TMEM248: variants seen among roughly 807,000 people sequenced by gnomAD.
TMEM248 encodes the protein transmembrane protein 248, also known as UPF0458 protein C7orf42.
In TMEM248, 9 loss-of-function variants were observed where a neutral mutation model predicts 30.3. The observed-to-expected ratio is 0.30, with a 90% CI of 0.18 to 0.52. TMEM248 has a LOEUF of 0.52. Ranked by LOEUF, TMEM248 falls within the 20% of genes least tolerant of loss-of-function variation. The pLI is 0.97. For missense variants in TMEM248, 338 were observed against 403.3 expected (o/e 0.84, Z 1.39); for synonymous variants, 184 against 154.4 (o/e 1.19, Z -1.42).
At chr7:66,945,684 C>T (rs781300768) in intron 3 of TMEM248, among the ~76,000 whole-genome samples, 9 of 152,348 alleles carry the variant, frequency 5.9e-5, no homozygotes, top group Non-Finnish European at 7.3e-5. Context: ...GGTGCAGTAG[C>T]TCATGCATGT....
rs113147746 is a variant in TMEM248 at position 66,943,038 on chromosome 7, G to A, written c.159+1014G>A. ...TTGGCAAAAGGAACCGCCTACACAT[G>A]TGAGCTCTTTCTAGCACAGTTCAAG... On this transcript the variant is annotated intron_variant, in intron 2 of 6. Coordinates refer to ENST00000341567, the MANE Select transcript of TMEM248 (RefSeq NM_017994.5). Among the ~76,000 whole-genome samples, 190 of 151,004 alleles carry A rather than the reference G, an allele frequency of 1.3e-3. 1 individual carries two copies. The highest frequency in any genetic ancestry group is 4.4e-3 in the African/African-American group (183 of 41,142).
chr7:66,933,103 G>A (rs1057340286), intron 1 of TMEM248, among the ~76,000 whole-genome samples: 2 of 151,932 alleles, frequency 1.3e-5, no homozygotes, highest in Admixed American at 6.6e-5. Context: ...CAGGTGATCC[G>A]CCTGCTTCGA....
chr7:66,943,247 C>G (rs774769328), intron 2 of TMEM248, among the ~76,000 whole-genome samples: 4 of 152,324 alleles, frequency 2.6e-5, no homozygotes, highest in East Asian at 3.9e-4. Context: ...GCTGCACAGC[C>G]TCCTGCCATT....
At chr7:66,937,947 A>G (rs906557313) in intron 1 of TMEM248, among the ~76,000 whole-genome samples, 19 of 152,104 alleles carry the variant, frequency 1.2e-4, no homozygotes, top group African/African-American at 4.1e-4. Context: ...GCTGGTCTCG[A>G]ACTCCTGACC....
At chr7:66,937,527 G>C (rs1791836245) in intron 1 of TMEM248, among the ~76,000 whole-genome samples, 1 of 152,060 alleles carries the variant, frequency 6.6e-6, no homozygotes, top group African/African-American at 2.4e-5. Flanking sequence ...TATGTATCTT[G>C]GTGCTCCAGT....
rs1268790205 is a variant in TMEM248 at position 66,945,092 on chromosome 7, G to T, written c.276G>T (p.Gly92=). The change falls in exon 3 of 7, where the codon GGG becomes GGT. Residue 92 remains glycine (G), a synonymous_variant. Transcript: ENST00000341567. The stretch of plus-strand genomic sequence containing the variant: ...CTCCGGAAAGTACAATGACCAGCGG[G>T]CAGGCCCGAGCTTCCACCCAGTCCC... The part of the protein sequence containing the change: ...TTTPESTMTS[G]QARASTQSPQ... The T allele has an allele frequency of 1.9e-6, 3 of 1,614,228 alleles. No individual in the cohort carries two copies. The highest frequency in any genetic ancestry group is 1.6e-4 in the Middle Eastern group (1 of 6,062).
At chr7:66,932,560 G>A (rs935339521) in intron 1 of TMEM248, among the ~76,000 whole-genome samples, 1 of 150,734 alleles carries the variant, frequency 6.6e-6, no homozygotes, top group Non-Finnish European at 1.5e-5. Context: ...CTGACACCCA[G>A]GCTGGAGTGC....
chr7:66,940,964 T>C (rs1791932431), intron 1 of TMEM248, among the ~76,000 whole-genome samples: 2 of 152,142 alleles, frequency 1.3e-5, no homozygotes, highest in East Asian at 1.9e-4. Flanking sequence ...ATTTAGAAGA[T>C]TGAGTCTGGG....
In TMEM248 at chr7:66,950,962, C is replaced by A; in HGVS notation, c.607C>A (p.His203Asn). The part of the protein sequence containing the change: ...GVFPVTVQPP[H>N]CVPDTYSNAT... ...CCTCTTCTCCTGCAGACAGCCACCG[C>A]ACTGTGTTCCTGACACGTACAGCAA... The change falls in exon 5 of 7, where the codon CAC becomes AAC. Residue 203 changes from histidine (H) to asparagine (N), a missense_variant. Transcript: ENST00000341567. The A allele has an allele frequency of 6.3e-7, 1 of 1,588,796 alleles. No homozygotes were observed. The highest frequency in any genetic ancestry group is 1.1e-5 in the South Asian group (1 of 87,212).
rs371143634 is a variant in TMEM248, at chr7:66,941,839, T to A, written c.-18-9T>A. ...TCAGTCCTTGAAGCTTCTGATTCAT[T>A]TCTTTCAGGTGGAGCTGATCAGAAT... On this transcript the variant is annotated splice_polypyrimidine_tract_variant and intron_variant, in intron 1 of 6. Coordinates refer to ENST00000341567, the MANE Select transcript of TMEM248 (RefSeq NM_017994.5). 31 of 1,586,568 alleles carry A rather than the reference T, an allele frequency of 2.0e-5. No individual in the cohort carries two copies. The highest frequency in any genetic ancestry group is 2.7e-5 in the African/African-American group (2 of 74,034).
chr7:66,935,771 T>A (rs1319145430), intron 1 of TMEM248, among the ~76,000 whole-genome samples: 1 of 152,110 alleles, frequency 6.6e-6, no homozygotes, highest in Non-Finnish European at 1.5e-5. Context: ...CTCGAACTCC[T>A]GGCTTCAAGT....
chr7:66,948,412 G>T, intron 3 of TMEM248, 132 bp from the exon 4 acceptor site: 1 of 1,102,396 alleles, frequency 9.1e-7, no homozygotes, highest in Non-Finnish European at 1.3e-6. Context: ...TTCTTCCTCA[G>T]ATCCCACAAA....
At chr7:66,935,698 G>T (rs550741100) in intron 1 of TMEM248, among the ~76,000 whole-genome samples, 12 of 151,916 alleles carry the variant, frequency 7.9e-5, no homozygotes, top group Admixed American at 5.3e-4. Flanking sequence ...GCACACCATC[G>T]TGCCCAGCTA....
At chr7:66,945,428 A>C (rs1792073684) in intron 3 of TMEM248, among the ~76,000 whole-genome samples, 167 bp downstream of exon 3, 1 of 152,178 alleles carries the variant, frequency 6.6e-6, no homozygotes, top group Admixed American at 6.6e-5. Context: ...CCATCGTTAC[A>C]TGGTAAAGTA....
intron 1 of TMEM248, among the ~76,000 whole-genome samples, chr7:66,923,148 CT>C (rs375289124): frequency 4.4e-4 from 65 of 147,466 alleles, no homozygotes; most frequent in South Asian, 8.5e-4. Context: ...CAGAAACTAA[CT>C]TTTTTTTTTT....
intron 1 of TMEM248, among the ~76,000 whole-genome samples, chr7:66,931,791 CCTTTTTTTTTTT>C (rs1419804410): frequency 5.5e-5 from 7 of 127,438 alleles, no homozygotes; most frequent in African/African-American, 2.1e-4. Flanking sequence ...AGGCCTTCCT[CCTTTTTTTTTTT>C]TTTTTTTTTT....
At chr7:66,935,638 GTTCAAGGGAT>G (rs1244010003) in intron 1 of TMEM248, among the ~76,000 whole-genome samples, 2 of 152,194 alleles carry the variant, frequency 1.3e-5, no homozygotes, top group Non-Finnish European at 2.9e-5. Context: ...TGCTTCCCAG[GTTCAAGGGAT>G]TCTCATGCCT....
chr7:66,945,838 C>G (rs926303558), intron 3 of TMEM248, among the ~76,000 whole-genome samples: 11 of 152,170 alleles, frequency 7.2e-5, no homozygotes, highest in Non-Finnish European at 2.9e-5. Context: ...GTAATCCGAG[C>G]ACTTTGGGAG....
chr7:66,953,099 T>C (rs1792311531), intron 5 of TMEM248, 127 bp from the exon 6 acceptor site: 4 of 1,057,622 alleles, frequency 3.8e-6, no homozygotes, highest in South Asian at 1.6e-5. Flanking sequence ...AAACCTCCTC[T>C]TGCAGCTTAA....
Sources: gnomAD v4.1 joint callset for allele counts (sites outside exome capture counted in the v4.1 genomes callset) on GRCh38, gnomAD v4.1.1 for gene constraint, MANE v1.5 for transcripts, NCBI Gene and HGNC (gene_info 2026-07-23, HGNC 2026-07-21) for gene names.